Variants in ENOX1 observed in about 807,000 individuals in gnomAD.
The protein encoded by ENOX1 is candidate growth-related and time keeping constitutive hydroquinone (NADH) oxidase.
In ENOX1, 42 loss-of-function variants were observed where a neutral mutation model predicts 82.5. The ratio of observed to expected loss-of-function variants is 0.51; its 90% CI spans 0.40 to 0.66. The LOEUF (loss-of-function observed/expected upper bound fraction) is 0.66, where lower values mean the gene tolerates loss of function less well. ENOX1 is among the 30% of genes least tolerant of loss of function. ENOX1 has a pLI of 0.00. For missense variants in ENOX1, 608 were observed against 811.6 expected (o/e 0.75, Z 3.05); for synonymous variants, 271 against 282.2 (o/e 0.96, Z 0.40).
At chr13:43,427,370 A>G (rs1465360500) in intron 3 of ENOX1, among the ~76,000 whole-genome samples, 3 of 152,214 alleles carry the variant, frequency 2.0e-5, no homozygotes, top group African/African-American at 7.2e-5. Flanking sequence ...AAATAAACTA[A>G]GGTCCAGAAG....
chr13:43,710,884 T>C (rs1279765565), intron 1 of ENOX1, among the ~76,000 whole-genome samples: 2 of 151,418 alleles, frequency 1.3e-5, no homozygotes, highest in Admixed American at 6.6e-5. Flanking sequence ...TTTTTTTTGG[T>C]TTGGCTATCT....
At chr13:43,556,923 G>T (rs2079463661) in intron 2 of ENOX1, among the ~76,000 whole-genome samples, 1 of 152,218 alleles carries the variant, frequency 6.6e-6, no homozygotes, top group South Asian at 2.1e-4. Context: ...GAAGGGACTA[G>T]GGGAGAGGGT....
intron 2 of ENOX1, among the ~76,000 whole-genome samples, chr13:43,571,267 G>A (rs906408163): frequency 2.0e-5 from 3 of 152,102 alleles, no homozygotes; most frequent in Non-Finnish European, 2.9e-5. Context: ...TCTCCAATTC[G>A]GTCATGCTGG....
chr13:43,689,256 C>T (rs1170952245), intron 1 of ENOX1, among the ~76,000 whole-genome samples: 9 of 152,042 alleles, frequency 5.9e-5, no homozygotes, highest in Non-Finnish European at 1.5e-5. Flanking sequence ...GTCAAGAAGG[C>T]ATGAAAATGA....
intron 1 of ENOX1, among the ~76,000 whole-genome samples, chr13:43,711,462 T>C (rs1056457230): frequency 7.2e-5 from 11 of 152,154 alleles, no homozygotes; most frequent in African/African-American, 2.2e-4. Context: ...GGTCAAATGG[T>C]ATTTCTAGTT....
chr13:43,458,986 A>G (rs1237442850), intron 3 of ENOX1: 1 of 152,122 alleles, frequency 6.6e-6, no homozygotes, highest in Non-Finnish European at 1.5e-5. Flanking sequence ...GCGACTTCCC[A>G]CTCTAACATA....
chr13:43,701,149 A>C (rs1438965503), intron 1 of ENOX1, among the ~76,000 whole-genome samples: 1 of 152,178 alleles, frequency 6.6e-6, no homozygotes, highest in Non-Finnish European at 1.5e-5. Context: ...CATTATCACA[A>C]TGTTAATTTT....
At chr13:43,668,378 C>T (rs9533576) in intron 1 of ENOX1, among the ~76,000 whole-genome samples, 10,865 of 152,218 alleles carry the variant, frequency 0.071, 518 homozygotes, top group African/African-American at 0.13. Flanking sequence ...CAAGACCATC[C>T]TCTGGTATCT....
chr13:43,409,724 C>A (rs906372084), intron 5 of ENOX1, among the ~76,000 whole-genome samples: 6 of 151,706 alleles, frequency 4.0e-5, no homozygotes, highest in Non-Finnish European at 8.8e-5. Flanking sequence ...TAAAAGAATA[C>A]AATGGAAAAA....
intron 16 of ENOX1, among the ~76,000 whole-genome samples, chr13:43,221,438 C>T (rs1246896819): frequency 2.0e-5 from 3 of 152,280 alleles, no homozygotes; most frequent in South Asian, 4.1e-4. Context: ...CATCATAGTG[C>T]TGCCTATTTT....
chr13:43,644,527 T>G (rs1420309250), intron 2 of ENOX1, among the ~76,000 whole-genome samples: 1 of 152,184 alleles, frequency 6.6e-6, no homozygotes, highest in Non-Finnish European at 1.5e-5. Flanking sequence ...GCGAAGGAAT[T>G]TAACTAAGAA....
intron 1 of ENOX1, among the ~76,000 whole-genome samples, chr13:43,670,982 C>T (rs910132058): frequency 3.9e-5 from 6 of 152,010 alleles, no homozygotes; most frequent in Non-Finnish European, 8.8e-5. Context: ...GCTCTGTGTC[C>T]CTACCCAAAT....
chr13:43,470,702 T>C (rs945686375), intron 3 of ENOX1, among the ~76,000 whole-genome samples: 1 of 151,522 alleles, frequency 6.6e-6, no homozygotes, highest in East Asian at 1.9e-4. Context: ...AATTTAAAAA[T>C]GGGAAAATAA....
chr13:43,479,480 C>A (rs911131472), intron 3 of ENOX1, among the ~76,000 whole-genome samples: 1 of 152,200 alleles, frequency 6.6e-6, no homozygotes, highest in Non-Finnish European at 1.5e-5. Context: ...ATCTCCATAT[C>A]CAACAGCTGT....
rs999497110 is a variant in ENOX1 at position 43,756,462 on chromosome 13, G to C, written c.-285+30190C>G. Reference sequence around the variant, plus strand: ...AGAGAAGAGGGTTGAGGAGGGGTGAGGAGGGGAGGGGAGGGGAGGGGAAGG... The same window carrying C: ...AGAGAAGAGGGTTGAGGAGGGGTGACGAGGGGAGGGGAGGGGAGGGGAAGG... On this transcript the variant is annotated intron_variant, in intron 1 of 16. Coordinates refer to ENST00000690772, the MANE Select transcript of ENOX1 (RefSeq NM_001347969.2). 2.9e-5 allele frequency among the ~76,000 whole-genome samples: 4 copies of C among 137,524 alleles called. No homozygotes were observed. The East Asian group carries it at 7.0e-4, about 24-fold the overall frequency. 90.2% of individuals were successfully genotyped at this position (137,524 alleles called of 152,430 possible).
intron 2 of ENOX1, among the ~76,000 whole-genome samples, chr13:43,537,223 T>C (rs2078500981): frequency 6.6e-6 from 1 of 152,176 alleles, no homozygotes. Context: ...ATTACTGAGC[T>C]ACACATAACT....
At chr13:43,585,436 A>G (rs2080933102) in intron 2 of ENOX1, among the ~76,000 whole-genome samples, 1 of 152,190 alleles carries the variant, frequency 6.6e-6, no homozygotes, top group African/African-American at 2.4e-5. Flanking sequence ...AGTAATAGGA[A>G]ATTTAGACAG....
At chr13:43,409,617 G>A (rs1282193086) in intron 5 of ENOX1, among the ~76,000 whole-genome samples, 1 of 152,048 alleles carries the variant, frequency 6.6e-6, no homozygotes, top group Non-Finnish European at 1.5e-5. Context: ...AAAGAAACTT[G>A]GCTAGTAACA....
At chr13:43,305,814 C>T (rs1223378747) in intron 11 of ENOX1, among the ~76,000 whole-genome samples, 1 of 152,212 alleles carries the variant, frequency 6.6e-6, no homozygotes, top group Non-Finnish European at 1.5e-5. Context: ...TCATTTAAAA[C>T]ACTGTTGAAG....
Sources: allele counts gnomAD v4.1 joint callset (sites outside exome capture counted in the v4.1 genomes callset), GRCh38; gene constraint gnomAD v4.1.1; transcripts MANE v1.5; gene names NCBI Gene and HGNC (gene_info 2026-07-23, HGNC 2026-07-21).